SUSD1: variants seen among roughly 807,000 people sequenced by gnomAD.
The protein encoded by SUSD1 is sushi domain-containing protein 1.
In SUSD1, 65 loss-of-function variants were observed where a neutral mutation model predicts 86.9. The ratio of observed to expected loss-of-function variants is 0.75; its 90% CI spans 0.61 to 0.92. The LOEUF (loss-of-function observed/expected upper bound fraction) is 0.92, where lower values mean the gene tolerates loss of function less well. Among genes scored for constraint, SUSD1 ranks in the 40% least tolerant of loss-of-function variants. The pLI is 0.00. For missense variants in SUSD1, 850 were observed against 929.7 expected, an observed-to-expected ratio of 0.91 and a Z score of 1.11; for synonymous variants, 346 against 350.0, an observed-to-expected ratio of 0.99 and a Z score of 0.13.
At chr9:112,064,344 C>T (rs1828877343) in intron 12 of SUSD1, among the ~76,000 whole-genome samples, 1 of 152,232 alleles carries the variant, frequency 6.6e-6, no homozygotes, top group Admixed American at 6.5e-5. Flanking sequence ...CTATTGTGAA[C>T]TGTGCATACA....
At chr9:112,128,027 T>C (rs1286366461) in intron 5 of SUSD1, among the ~76,000 whole-genome samples, 1 of 151,936 alleles carries the variant, frequency 6.6e-6, no homozygotes, top group East Asian at 1.9e-4. Context: ...GGTCTCTTAC[T>C]CTCGGACTCA....
chr9:112,159,255 G>C (rs904005216), intron 1 of SUSD1, among the ~76,000 whole-genome samples: 1 of 152,160 alleles, frequency 6.6e-6, no homozygotes, highest in Non-Finnish European at 1.5e-5. Flanking sequence ...CTAGTAAAGA[G>C]AATCTTTCTA....
intron 1 of SUSD1, among the ~76,000 whole-genome samples, chr9:112,172,493 C>A (rs1241823651): frequency 6.6e-6 from 1 of 152,202 alleles, no homozygotes; most frequent in African/African-American, 2.4e-5. Flanking sequence ...TTCATCCTCC[C>A]AATCTTGTCA....
intron 5 of SUSD1, among the ~76,000 whole-genome samples, chr9:112,141,072 A>G (rs1832541698): frequency 6.6e-6 from 1 of 152,240 alleles, no homozygotes; most frequent in African/African-American, 2.4e-5. Flanking sequence ...TGAGTCAGTG[A>G]GTGAATAGTG....
intron 6 of SUSD1, among the ~76,000 whole-genome samples, chr9:112,115,813 A>AAG (rs1738678149): frequency 1.3e-4 from 2 of 15,930 alleles, no homozygotes; most frequent in Admixed American, 1.2e-3. Flanking sequence ...CATTGCAAAA[A>AAG]AAAAAAAAAA....
intron 1 of SUSD1, among the ~76,000 whole-genome samples, chr9:112,172,283 C>T (rs1564363344): frequency 6.6e-6 from 1 of 152,070 alleles, no homozygotes. Context: ...ACCCTCTCTC[C>T]TCTACTAGCT....
chr9:112,118,114 G>C (rs1831405169), intron 6 of SUSD1, among the ~76,000 whole-genome samples: 1 of 152,162 alleles, frequency 6.6e-6, no homozygotes, highest in Non-Finnish European at 1.5e-5. Flanking sequence ...AAAGGTCATA[G>C]AGAATAAATC....
In SUSD1 at chr9:112,136,779, A is replaced by G. The variant is rs142037451; in HGVS notation, c.706+5541T>C. Among the ~76,000 whole-genome samples the G allele has an allele frequency of 4.6e-3, 707 of 152,286 alleles. 4 individuals are homozygous for G. The highest frequency in any genetic ancestry group is 0.016 in the African/African-American group (653 of 41,562). ...TCATTTGAATGCACTAAATTGTGGT[A>G]CAATTTATGTCGAAGCTTTTTCAAA... is the stretch of plus-strand genomic sequence containing the variant. On this transcript the variant is annotated intron_variant, in intron 5 of 16. Coordinates refer to ENST00000374270, the MANE Select transcript of SUSD1 (RefSeq NM_022486.5).
chr9:112,121,469 T>C (rs952928503), intron 6 of SUSD1, among the ~76,000 whole-genome samples: 2 of 152,218 alleles, frequency 1.3e-5, no homozygotes, highest in Non-Finnish European at 2.9e-5. Flanking sequence ...CCTGTTGCAC[T>C]GTAAATTCCA....
intron 4 of SUSD1, among the ~76,000 whole-genome samples, chr9:112,142,830 G>C (rs934027450): frequency 6.6e-6 from 1 of 151,952 alleles, no homozygotes; most frequent in Admixed American, 6.6e-5. Flanking sequence ...TATGTACCTT[G>C]ATTATTTTCA....
chr9:112,105,485 A>C (rs773748473), intron 8 of SUSD1, among the ~76,000 whole-genome samples: 9 of 152,096 alleles, frequency 5.9e-5, no homozygotes, highest in Non-Finnish European at 1.2e-4. Context: ...TTGGGAGGCC[A>C]AGACAGGTGG....
intron 5 of SUSD1, among the ~76,000 whole-genome samples, chr9:112,130,145 G>A (rs1222219846): frequency 6.6e-6 from 1 of 152,058 alleles, no homozygotes. Context: ...GACCAAGGCA[G>A]GAGGATTGCT....
intron 12 of SUSD1, 56 bp downstream of exon 12, chr9:112,078,482 C>T: frequency 6.6e-7 from 1 of 1,518,334 alleles, no homozygotes; most frequent in Non-Finnish European, 9.0e-7. Flanking sequence ...TTATCAGGAC[C>T]TATGAACAAT....
intron 14 of SUSD1, among the ~76,000 whole-genome samples, chr9:112,056,940 G>A (rs1388032357): frequency 6.6e-6 from 1 of 152,174 alleles, no homozygotes; most frequent in African/African-American, 2.4e-5. Context: ...TGAATTAAAT[G>A]TCTATGCCCC....
At chr9:112,058,759 G>A in intron 13 of SUSD1, 73 bp from the exon 14 acceptor site, 2 of 1,554,384 alleles carry the variant, frequency 1.3e-6, no homozygotes, top group Middle Eastern at 1.7e-4. Context: ...TATTTATTGA[G>A]CACCTGCTAT....
At chr9:112,069,821 A>C (rs1017295794) in intron 12 of SUSD1, among the ~76,000 whole-genome samples, 1 of 151,456 alleles carries the variant, frequency 6.6e-6, no homozygotes, top group African/African-American at 2.4e-5. Context: ...GCAACTGCAG[A>C]CCGAGCAGGA....
intron 1 of SUSD1, among the ~76,000 whole-genome samples, chr9:112,163,192 G>T (rs1833642009): frequency 6.6e-6 from 1 of 152,082 alleles, no homozygotes; most frequent in Non-Finnish European, 1.5e-5. Context: ...TGTCGCCTCT[G>T]TCACCCAGGC....
intron 1 of SUSD1, among the ~76,000 whole-genome samples, chr9:112,166,642 G>C (rs181640590): frequency 6.6e-6 from 1 of 152,190 alleles, no homozygotes; most frequent in Non-Finnish European, 1.5e-5. Context: ...CCAAGGGAGA[G>C]GAATTCTCCA....
intron 12 of SUSD1, among the ~76,000 whole-genome samples, chr9:112,069,677 C>G (rs1039789076): frequency 1.4e-5 from 2 of 140,656 alleles, no homozygotes; most frequent in Non-Finnish European, 3.0e-5. Context: ...GAGAACTCCG[C>G]CCCACCCCAC....
Sources: gnomAD v4.1 joint callset for allele counts (sites outside exome capture counted in the v4.1 genomes callset) on GRCh38, gnomAD v4.1.1 for gene constraint, MANE v1.5 for transcripts, NCBI Gene and HGNC (gene_info 2026-07-23, HGNC 2026-07-21) for gene names.